Variants in CCDC158 observed in about 807,000 individuals in gnomAD.
CCDC158 encodes the protein coiled-coil domain-containing protein 158.
In CCDC158, 116 loss-of-function variants were observed where a neutral mutation model predicts 138.6. The ratio of observed to expected loss-of-function variants is 0.84; its 90% CI spans 0.72 to 0.98. The LOEUF (loss-of-function observed/expected upper bound fraction) is 0.98, where lower values mean the gene tolerates loss of function less well. CCDC158 is among the 50% of genes least tolerant of loss of function. The pLI is 0.00. For synonymous variants in CCDC158, 436 were observed against 442.4 expected (o/e 0.99, Z 0.18); for missense variants, 1,265 against 1,306.1 (o/e 0.97, Z 0.48).
chr4:76,361,480 T>C (rs960114516), intron 13 of CCDC158, among the ~76,000 whole-genome samples: 1 of 152,196 alleles, frequency 6.6e-6, no homozygotes, highest in East Asian at 1.9e-4. Flanking sequence ...GAGAATGGCA[T>C]GAACCCGGGA....
chr4:76,393,980 C>T (rs942591535), intron 4 of CCDC158, among the ~76,000 whole-genome samples: 14 of 151,942 alleles, frequency 9.2e-5, no homozygotes, highest in Non-Finnish European at 1.6e-4. Flanking sequence ...TAGGCAATAA[C>T]GAATGCTGGC....
At chr4:76,342,694 G>A (rs187847268) in intron 18 of CCDC158, among the ~76,000 whole-genome samples, 6 of 152,276 alleles carry the variant, frequency 3.9e-5, no homozygotes, top group African/African-American at 1.4e-4. Context: ...GGGTAAAGAG[G>A]AAAGGACAGA....
At position 76,339,227 on chromosome 4, in the gene CCDC158, G is replaced by A. The variant is rs143935037; in HGVS notation, c.2665-5060C>T. Among the ~76,000 whole-genome samples, 1,076 of 152,236 alleles carry A rather than the reference G, an allele frequency of 7.1e-3. 7 individuals are homozygous for A. Among genetic ancestry groups the A allele is most frequent in the Middle Eastern group, 0.034 (10 of 294 alleles). ...TGAATGCCACCACTTCGTCAAATGT[G>A]TCTGCACCGAGAGCATCATTCTTAG... On this transcript the variant is annotated intron_variant, in intron 18 of 24. Coordinates refer to ENST00000682701, the MANE Select transcript of CCDC158 (RefSeq NM_001394954.1).
chr4:76,401,066 CAG>C (rs33971323), intron 3 of CCDC158, among the ~76,000 whole-genome samples: 3,779 of 152,236 alleles, frequency 0.025, 148 homozygotes, highest in African/African-American at 0.086. Context: ...CCTACTGAAT[CAG>C]AGTCTCAAGG....
At chr4:76,385,645 T>A (rs1287686982) in intron 4 of CCDC158, among the ~76,000 whole-genome samples, 1 of 152,108 alleles carries the variant, frequency 6.6e-6, no homozygotes, top group Non-Finnish European at 1.5e-5. Context: ...GGTGAAAATA[T>A]GTTTCCAACA....
chr4:76,358,578 T>C (rs1464727019), intron 13 of CCDC158, among the ~76,000 whole-genome samples: 5 of 152,224 alleles, frequency 3.3e-5, no homozygotes, highest in African/African-American at 4.8e-5. Flanking sequence ...CACATTTTGA[T>C]ATTTCATGGC....
At chr4:76,356,178 G>A (rs1723542177) in intron 14 of CCDC158, among the ~76,000 whole-genome samples, 1 of 152,050 alleles carries the variant, frequency 6.6e-6, no homozygotes, top group African/African-American at 2.4e-5. Flanking sequence ...CAAGCTATCA[G>A]AATGAAAGGT....
chr4:76,320,022 T>C (rs1362399430), intron 24 of CCDC158, among the ~76,000 whole-genome samples: 1 of 152,178 alleles, frequency 6.6e-6, no homozygotes, highest in Non-Finnish European at 1.5e-5. Flanking sequence ...GCTGATGATA[T>C]GATCCTATGC....
intron 13 of CCDC158, among the ~76,000 whole-genome samples, chr4:76,360,155 A>G (rs1723989367): frequency 6.6e-6 from 1 of 152,216 alleles, no homozygotes; most frequent in Non-Finnish European, 1.5e-5. Context: ...GGCAGCTTCC[A>G]TGTGATGTTG....
At chr4:76,331,887 G>T (rs1329410785) in intron 20 of CCDC158, among the ~76,000 whole-genome samples, 1 of 152,146 alleles carries the variant, frequency 6.6e-6, no homozygotes, top group Non-Finnish European at 1.5e-5. Flanking sequence ...GATAAATAAT[G>T]AATTAACATT....
chr4:76,315,950 G>T (rs560677833), intron 24 of CCDC158, among the ~76,000 whole-genome samples: 44 of 152,242 alleles, frequency 2.9e-4, no homozygotes, highest in African/African-American at 1.0e-3. Flanking sequence ...TCACCCTGTG[G>T]GACAAAAGAA....
At chr4:76,361,748 CA>C (rs1312796387) in intron 13 of CCDC158, among the ~76,000 whole-genome samples, 16 of 152,012 alleles carry the variant, frequency 1.1e-4, no homozygotes, top group Admixed American at 5.9e-4. Flanking sequence ...AACTTCTAAT[CA>C]AGCTATTTGA....
In CCDC158 at chr4:76,339,128, A is replaced by G. The variant is rs920157020; in HGVS notation, c.2665-4961T>C. ...CTTTGTCACATGGAGACAAAGGACC[A>G]TGCATTAAAAGACAAGCCTTTGGAG... On this transcript the variant is annotated intron_variant, in intron 18 of 24. Coordinates refer to ENST00000682701, the MANE Select transcript of CCDC158 (RefSeq NM_001394954.1). Among the ~76,000 whole-genome samples, 5 of 152,192 alleles carry G rather than the reference A, an allele frequency of 3.3e-5. No individual in the cohort carries two copies. In the East Asian group the frequency reaches 7.7e-4, roughly 23 times the overall value.
intron 16 of CCDC158, 103 bp from the exon 17 acceptor site, chr4:76,351,915 T>C (rs988321253): frequency 5.8e-6 from 4 of 687,204 alleles, no homozygotes; most frequent in Non-Finnish European, 1.0e-5. Flanking sequence ...AAAATCTTCC[T>C]GCCCTTCTAC....
chr4:76,390,777 G>A (rs1727237305), intron 4 of CCDC158, among the ~76,000 whole-genome samples: 1 of 151,902 alleles, frequency 6.6e-6, no homozygotes, highest in Admixed American at 6.6e-5. Context: ...TGAAAATAAA[G>A]GGATGGAAAA....
chr4:76,367,896 T>C (rs1724851566), intron 11 of CCDC158, 120 bp from the exon 12 acceptor site: 10 of 92,396 alleles, frequency 1.1e-4, no homozygotes, highest in Non-Finnish European at 1.4e-4. Flanking sequence ...AGTAAGATCT[T>C]TTTTTTTTTT....
intron 24 of CCDC158, among the ~76,000 whole-genome samples, chr4:76,316,909 A>G (rs1719447762): frequency 6.7e-6 from 1 of 149,700 alleles, no homozygotes; most frequent in Non-Finnish European, 1.5e-5. Flanking sequence ...ACAAAAAAAA[A>G]AAAAAAAAAA....
At chr4:76,369,374 A>C in intron 11 of CCDC158, 52 bp downstream of exon 11, 1 of 1,540,990 alleles carries the variant, frequency 6.5e-7, no homozygotes, top group Non-Finnish European at 8.8e-7. Context: ...TAAAATATTT[A>C]TTTCCCCAGA....
chr4:76,317,114 A>C (rs1037892904), intron 24 of CCDC158, among the ~76,000 whole-genome samples: 2 of 152,090 alleles, frequency 1.3e-5, no homozygotes, highest in African/African-American at 4.8e-5. Context: ...AGGATGAACA[A>C]AACAGTATCT....
Sources: gnomAD v4.1 joint callset for allele counts (sites outside exome capture counted in the v4.1 genomes callset) on GRCh38, gnomAD v4.1.1 for gene constraint, MANE v1.5 for transcripts, NCBI Gene and HGNC (gene_info 2026-07-23, HGNC 2026-07-21) for gene names.